The following SORCS2 variants were observed in gnomAD, a reference collection of about 807,000 sequenced individuals.
SORCS2 encodes the protein sortilin related VPS10 domain containing receptor 2.
Under a neutral mutation model 141.6 loss-of-function variants are expected in SORCS2, and 100 were observed. The ratio of observed to expected loss-of-function variants is 0.71; its 90% confidence interval spans 0.60 to 0.83. The LOEUF is 0.83. Ranked by LOEUF, SORCS2 falls within the 40% of genes least tolerant of loss-of-function variation. SORCS2 has a pLI of 0.00. For missense variants in SORCS2, 1,646 were observed against 1,560.2 expected (o/e 1.05, Z -0.93); for synonymous variants, 789 against 676.9 (o/e 1.17, Z -2.57).
chr4:7,390,660 AGAG>A (rs1345820608), intron 1 of SORCS2, among the ~76,000 whole-genome samples: 1 of 152,196 alleles, frequency 6.6e-6, no homozygotes, highest in African/African-American at 2.4e-5. Flanking sequence ...CCAGGGTCTC[AGAG>A]GAGGCACCGT....
chr4:7,498,728 G>C (rs1033172706), intron 2 of SORCS2, among the ~76,000 whole-genome samples: 6 of 152,258 alleles, frequency 3.9e-5, no homozygotes, highest in African/African-American at 1.4e-4. Context: ...CTGGAGCAGA[G>C]GTGTCTACAC....
intron 1 of SORCS2, among the ~76,000 whole-genome samples, chr4:7,238,896 T>C (rs1336760539): frequency 6.6e-6 from 1 of 152,196 alleles, no homozygotes; most frequent in Non-Finnish European, 1.5e-5. Flanking sequence ...TTACCACTGC[T>C]GGCCTGTCAC....
chr4:7,632,020 G>A (rs1719928861), intron 3 of SORCS2, among the ~76,000 whole-genome samples: 1 of 152,198 alleles, frequency 6.6e-6, no homozygotes, highest in Non-Finnish European at 1.5e-5. Flanking sequence ...AAAGCCGTCT[G>A]TGTGATCACC....
At chr4:7,633,011 T>C (rs979825763) in intron 3 of SORCS2, among the ~76,000 whole-genome samples, 2 of 152,184 alleles carry the variant, frequency 1.3e-5, no homozygotes, top group South Asian at 2.1e-4. Context: ...CAGGCTCACA[T>C]GTATAAATGA....
intron 2 of SORCS2, among the ~76,000 whole-genome samples, chr4:7,465,166 G>T (rs546829093): frequency 6.6e-6 from 1 of 152,340 alleles, no homozygotes; most frequent in African/African-American, 2.4e-5. Flanking sequence ...TGGGGCCAGG[G>T]GATGGGCGCG....
At chr4:7,619,609 C>T (rs193132800) in intron 3 of SORCS2, among the ~76,000 whole-genome samples, 1 of 152,262 alleles carries the variant, frequency 6.6e-6, no homozygotes, top group South Asian at 2.1e-4. Flanking sequence ...CCTGGAGAAG[C>T]GGCCCTGCCT....
chr4:7,398,821 T>C (rs1724385657), intron 2 of SORCS2, among the ~76,000 whole-genome samples: 1 of 152,180 alleles, frequency 6.6e-6, no homozygotes, highest in Admixed American at 6.5e-5. Context: ...CCATAAAAAA[T>C]TTAAGCAGGT....
chr4:7,667,442 C>T (rs1722568663), intron 8 of SORCS2, among the ~76,000 whole-genome samples: 1 of 152,220 alleles, frequency 6.6e-6, no homozygotes, highest in Non-Finnish European at 1.5e-5. Flanking sequence ...CTGCCAGGCT[C>T]TTCCCTCTGC....
chr4:7,570,008 G>T (rs1282064093), intron 3 of SORCS2, among the ~76,000 whole-genome samples: 1 of 152,192 alleles, frequency 6.6e-6, no homozygotes, highest in Non-Finnish European at 1.5e-5. Context: ...GGGGACGAGG[G>T]CTCCCAGCGT....
At chr4:7,353,264 C>T (rs1721057857) in intron 1 of SORCS2, among the ~76,000 whole-genome samples, 1 of 152,204 alleles carries the variant, frequency 6.6e-6, no homozygotes, top group Non-Finnish European at 1.5e-5. Flanking sequence ...TGTCTCATGG[C>T]AGGTCCCCAG....
chr4:7,668,249 A>C (rs1722611182), intron 8 of SORCS2, among the ~76,000 whole-genome samples: 2 of 152,222 alleles, frequency 1.3e-5, no homozygotes, highest in East Asian at 3.9e-4. Flanking sequence ...GGAGGGAGAG[A>C]CACAGAGTGA....
chr4:7,660,695 G>T (rs1722104569), intron 5 of SORCS2, among the ~76,000 whole-genome samples: 1 of 152,334 alleles, frequency 6.6e-6, no homozygotes, highest in East Asian at 1.9e-4. Flanking sequence ...GACCCGTTCT[G>T]TCCCTAGTGG....
intron 1 of SORCS2, among the ~76,000 whole-genome samples, chr4:7,238,293 G>GT (rs528080317): frequency 2.6e-5 from 4 of 152,038 alleles, no homozygotes; most frequent in Non-Finnish European, 5.9e-5. Context: ...GGGAGTCTGG[G>GT]GGGGGTTGCT....
intron 7 of SORCS2, 132 bp from the exon 8 acceptor site, chr4:7,666,992 C>G (rs1263352249): frequency 1.3e-6 from 1 of 799,354 alleles, no homozygotes; most frequent in African/African-American, 1.7e-5. Context: ...CTGTTCATTT[C>G]AAGCAGAACA....
chr4:7,198,989 G>C (rs545875949), intron 1 of SORCS2, among the ~76,000 whole-genome samples: 2 of 152,196 alleles, frequency 1.3e-5, no homozygotes, highest in Admixed American at 1.3e-4. Context: ...AACCCTCCAC[G>C]TGGCCTCATA....
chr4:7,567,182 C>T (rs146922171), intron 3 of SORCS2, among the ~76,000 whole-genome samples: 2 of 152,322 alleles, frequency 1.3e-5, no homozygotes, highest in East Asian at 1.9e-4. Flanking sequence ...CCACAATTTC[C>T]TGTTATTAAC....
intron 1 of SORCS2, among the ~76,000 whole-genome samples, chr4:7,392,732 T>A (rs1723942882): frequency 6.6e-6 from 1 of 151,738 alleles, no homozygotes; most frequent in Non-Finnish European, 1.5e-5. Flanking sequence ...GAGGCAGGCA[T>A]CACAGAGGGG....
intron 1 of SORCS2, among the ~76,000 whole-genome samples, chr4:7,394,838 G>T (rs779828237): frequency 2.2e-4 from 33 of 152,154 alleles, no homozygotes; most frequent in Non-Finnish European, 4.6e-4. Flanking sequence ...ACTGCTCCAA[G>T]ATCAGATTGG....
intron 3 of SORCS2, among the ~76,000 whole-genome samples, chr4:7,554,178 G>A (rs1713935941): frequency 6.6e-6 from 1 of 152,136 alleles, no homozygotes; most frequent in African/African-American, 2.4e-5. Context: ...TCATGGGGAG[G>A]ACAGGACCAG....
Sources: allele counts gnomAD v4.1 joint callset (sites outside exome capture counted in the v4.1 genomes callset), GRCh38; gene constraint gnomAD v4.1.1; transcripts MANE v1.5; gene names NCBI Gene and HGNC (gene_info 2026-07-23, HGNC 2026-07-21).